Variants in ANXA13 observed in about 807,000 individuals in gnomAD.
ANXA13 encodes the protein annexin A13.
In ANXA13, 36 loss-of-function variants were observed where a neutral mutation model predicts 46.6. That is an observed-to-expected ratio of 0.77 (90% CI 0.59 to 1.02). The LOEUF (loss-of-function observed/expected upper bound fraction) is 1.02, where lower values mean the gene tolerates loss of function less well. Ranked by LOEUF, ANXA13 falls within the 50% of genes least tolerant of loss-of-function variation. The pLI is 0.00. For synonymous variants in ANXA13, 163 were observed against 152.9 expected (o/e 1.07, Z -0.49); for missense variants, 417 against 396.5 (o/e 1.05, Z -0.44).
chr8:123,727,484 A>G (rs1814023727), intron 1 of ANXA13, among the ~76,000 whole-genome samples: 1 of 152,128 alleles, frequency 6.6e-6, no homozygotes, highest in Non-Finnish European at 1.5e-5. Context: ...TTCTCAATAA[A>G]CCAGGAGCGA....
intron 1 of ANXA13, among the ~76,000 whole-genome samples, chr8:123,718,314 C>G (rs1813797709): frequency 6.6e-6 from 1 of 152,188 alleles, no homozygotes; most frequent in South Asian, 2.1e-4. Flanking sequence ...AAATGGCACT[C>G]TAAAGATCAA....
chr8:123,716,774 T>C (rs897657035), intron 1 of ANXA13, among the ~76,000 whole-genome samples: 1 of 152,154 alleles, frequency 6.6e-6, no homozygotes, highest in African/African-American at 2.4e-5. Context: ...CCATTGTTCA[T>C]TGTTAATAGG....
intron 1 of ANXA13, among the ~76,000 whole-genome samples, chr8:123,724,563 A>G (rs994466244): frequency 3.9e-5 from 6 of 152,238 alleles, no homozygotes; most frequent in African/African-American, 1.4e-4. Context: ...GAAGGTTTAC[A>G]CAAGAAAGAA....
intron 2 of ANXA13, among the ~76,000 whole-genome samples, chr8:123,704,801 AT>A (rs889968756): frequency 6.6e-6 from 1 of 152,026 alleles, no homozygotes; most frequent in African/African-American, 2.4e-5. Context: ...AGGGTTCTTG[AT>A]TGGCCTGTAT....
At chr8:123,708,354 G>A (rs1813585680) in intron 2 of ANXA13, among the ~76,000 whole-genome samples, 1 of 152,202 alleles carries the variant, frequency 6.6e-6, no homozygotes, top group African/African-American at 2.4e-5. Flanking sequence ...CAGGAAGGGG[G>A]CTCCAGACAG....
intron 2 of ANXA13, among the ~76,000 whole-genome samples, chr8:123,704,191 C>G (rs1586323870): frequency 6.6e-6 from 1 of 152,200 alleles, no homozygotes; most frequent in East Asian, 1.9e-4. Flanking sequence ...AGGGTGTGCA[C>G]AGGGACCACC....
Position 123,681,212 on chromosome 8 carries a change from C to T in ANXA13, c.*28G>A. 6.3e-7 allele frequency: 1 copy of T among 1,584,146 alleles called. No homozygotes were observed. Among genetic ancestry groups the T allele is most frequent in the South Asian group, 1.2e-5 (1 of 86,284 alleles). ...TGTGCTCTTGACAAAGGCGGTTCCACCCTGTGTTCCTATTGCCCTGGCTTG... is the reference window on the plus strand; with the variant it reads ...TGTGCTCTTGACAAAGGCGGTTCCATCCTGTGTTCCTATTGCCCTGGCTTG... On this transcript the variant is annotated 3_prime_UTR_variant, in exon 11 of 11. Coordinates refer to ENST00000419625, the MANE Select transcript of ANXA13 (RefSeq NM_004306.4).
chr8:123,722,337 AAAAGAAAAG>A (rs1194417001), intron 1 of ANXA13, among the ~76,000 whole-genome samples: 11 of 131,166 alleles, frequency 8.4e-5, no homozygotes, highest in African/African-American at 3.0e-4. Flanking sequence ...AAAAAGAAAG[AAAAGAAAAG>A]AAAGAAAGAA....
intron 1 of ANXA13, chr8:123,727,885 C>T (rs1268907577): frequency 6.6e-6 from 1 of 152,112 alleles, no homozygotes; most frequent in Admixed American, 6.5e-5. Flanking sequence ...TAGAAATGGA[C>T]CATGATGTCT....
At chr8:123,694,190 A>G (rs573988277) in intron 6 of ANXA13, among the ~76,000 whole-genome samples, 2 of 152,264 alleles carry the variant, frequency 1.3e-5, no homozygotes, top group Non-Finnish European at 2.9e-5. Flanking sequence ...TGGTGGGCAG[A>G]ATTCTAAGAT....
At chr8:123,710,867 T>C (rs1330555739) in intron 2 of ANXA13, among the ~76,000 whole-genome samples, 2 of 152,166 alleles carry the variant, frequency 1.3e-5, no homozygotes, top group Non-Finnish European at 2.9e-5. Context: ...TCTCAATAAA[T>C]GTAAAAAAGA....
chr8:123,691,080 C>G (rs1813233107), intron 8 of ANXA13, among the ~76,000 whole-genome samples: 1 of 152,138 alleles, frequency 6.6e-6, no homozygotes, highest in Non-Finnish European at 1.5e-5. Context: ...GAAACTGTTG[C>G]GTGGCCTGGG....
At chr8:123,692,803 G>A (rs978562712) in intron 8 of ANXA13, among the ~76,000 whole-genome samples, 1 of 152,168 alleles carries the variant, frequency 6.6e-6, no homozygotes, top group African/African-American at 2.4e-5. Context: ...GCCAGTGGTA[G>A]ACCCAGGATT....
chr8:123,718,002 A>G (rs1388003300), intron 1 of ANXA13, among the ~76,000 whole-genome samples: 1 of 152,252 alleles, frequency 6.6e-6, no homozygotes, highest in Non-Finnish European at 1.5e-5. Flanking sequence ...GCCCAGAGAA[A>G]GAGTAAAGCC....
At chr8:123,732,271 G>T (rs1460325172) in intron 1 of ANXA13, among the ~76,000 whole-genome samples, 1 of 152,174 alleles carries the variant, frequency 6.6e-6, no homozygotes, top group Non-Finnish European at 1.5e-5. Flanking sequence ...TGATAGGATT[G>T]TTGTGAAGAC....
At chr8:123,704,818 C>T (rs894078133) in intron 2 of ANXA13, among the ~76,000 whole-genome samples, 5 of 152,194 alleles carry the variant, frequency 3.3e-5, no homozygotes, top group African/African-American at 9.6e-5. Flanking sequence ...TGTATTCTTC[C>T]ACTGGCCTTT....
Position 123,716,480 on chromosome 8 carries a change from G to A in ANXA13, c.16-3727C>T, listed in dbSNP as rs375634440. On this transcript the variant is annotated intron_variant, in intron 1 of 10. Coordinates refer to ENST00000419625, the MANE Select transcript of ANXA13 (RefSeq NM_004306.4). ...CCCTGTAGGAACCACTGTTAGCCACGTTGGTTATCTTTCCTAATCTGCTTG... is the reference window on the plus strand; with the variant it reads ...CCCTGTAGGAACCACTGTTAGCCACATTGGTTATCTTTCCTAATCTGCTTG... Among the ~76,000 whole-genome samples the A allele has an allele frequency of 6.6e-5, 10 of 152,132 alleles. No homozygotes were observed. The East Asian group carries it at 7.7e-4, about 12-fold the overall frequency.
At chr8:123,688,749 G>A (rs1813182066) in intron 9 of ANXA13, 122 bp downstream of exon 9, 2 of 821,712 alleles carry the variant, frequency 2.4e-6, no homozygotes, top group East Asian at 5.1e-5. Context: ...CTTGCTCAGT[G>A]CTGCTTAGAC....
intron 9 of ANXA13, among the ~76,000 whole-genome samples, chr8:123,685,697 GA>G (rs1215363719): frequency 6.6e-6 from 1 of 152,190 alleles, no homozygotes; most frequent in Non-Finnish European, 1.5e-5. Flanking sequence ...TCGGGAAGGA[GA>G]GTCTAGTTTG....
Sources: gnomAD v4.1 joint callset for allele counts (sites outside exome capture counted in the v4.1 genomes callset) on GRCh38, gnomAD v4.1.1 for gene constraint, MANE v1.5 for transcripts, NCBI Gene and HGNC (gene_info 2026-07-23, HGNC 2026-07-21) for gene names.